TFEC: variants seen among roughly 807,000 people sequenced by gnomAD.
The protein encoded by TFEC is transcription factor EC.
A neutral mutation model predicts 41.6 loss-of-function variants in TFEC; 31 were observed. That is an observed-to-expected ratio of 0.74 (90% confidence interval 0.56 to 1.01). TFEC has a LOEUF of 1.01. Ranked by LOEUF, TFEC falls within the 50% of genes least tolerant of loss-of-function variation. TFEC has a pLI of 0.00. For missense variants in TFEC, 402 were observed against 404.1 expected (o/e 0.99, Z 0.04); for synonymous variants, 143 against 140.6 (o/e 1.02, Z -0.12).
intron 1 of TFEC, among the ~76,000 whole-genome samples, chr7:116,128,201 T>C (rs1383938032): frequency 6.6e-6 from 1 of 152,068 alleles, no homozygotes; most frequent in Non-Finnish European, 1.5e-5. Flanking sequence ...CAAAACATAA[T>C]ATATGAAACA....
intron 1 of TFEC, among the ~76,000 whole-genome samples, chr7:116,143,128 C>T (rs989515142): frequency 3.3e-5 from 5 of 152,132 alleles, no homozygotes; most frequent in Non-Finnish European, 7.4e-5. Context: ...TTTTACAACT[C>T]TCGCTAGCTG....
intron 1 of TFEC, among the ~76,000 whole-genome samples, chr7:116,146,183 A>G (rs937645679): frequency 6.6e-6 from 1 of 152,176 alleles, no homozygotes; most frequent in Non-Finnish European, 1.5e-5. Context: ...GAGCAACTGC[A>G]GATCTACAAA....
chr7:115,993,335 T>C (rs1004813189), intron 1 of TFEC, among the ~76,000 whole-genome samples: 1 of 152,180 alleles, frequency 6.6e-6, no homozygotes, highest in African/African-American at 2.4e-5. Context: ...CTATTCAACA[T>C]AGTGTTGGAA....
chr7:116,130,542 A>T (rs990663878), intron 1 of TFEC, among the ~76,000 whole-genome samples: 5 of 152,196 alleles, frequency 3.3e-5, no homozygotes, highest in Non-Finnish European at 4.4e-5. Context: ...CCAGATAATC[A>T]TTCCAGTTAG....
intron 2 of TFEC, among the ~76,000 whole-genome samples, chr7:115,980,198 C>T (rs1308404943): frequency 6.6e-6 from 1 of 152,118 alleles, no homozygotes; most frequent in Non-Finnish European, 1.5e-5. Flanking sequence ...AAGCATAAGT[C>T]TCTTGTGAAT....
At chr7:116,116,957 T>C (rs1457272257) in intron 1 of TFEC, among the ~76,000 whole-genome samples, 4 of 151,924 alleles carry the variant, frequency 2.6e-5, no homozygotes, top group Non-Finnish European at 5.9e-5. Flanking sequence ...TTCATAATAG[T>C]TGTTTTTTCT....
intron 3 of TFEC, among the ~76,000 whole-genome samples, chr7:116,092,149 C>T (rs1005986494): frequency 2.6e-5 from 4 of 152,122 alleles, no homozygotes; most frequent in Non-Finnish European, 1.5e-5. Flanking sequence ...ATTAATTGTC[C>T]TTTCAGAGAT....
intron 1 of TFEC, among the ~76,000 whole-genome samples, chr7:116,121,941 T>C (rs997459683): frequency 4.6e-5 from 7 of 152,024 alleles, no homozygotes; most frequent in African/African-American, 1.7e-4. Context: ...TAACCTTCCT[T>C]TCTTCTACTA....
At chr7:116,086,461 G>A (rs533752881) in intron 3 of TFEC, among the ~76,000 whole-genome samples, 1 of 152,002 alleles carries the variant, frequency 6.6e-6, no homozygotes, top group East Asian at 1.9e-4. Context: ...ATACATGTGT[G>A]GCATAAAGAT....
chr7:115,987,811 A>G lies in TFEC; in HGVS notation c.-72-3298T>C, dbSNP rs10277327. On this transcript the variant is annotated intron_variant, in intron 1 of 7. Coordinates refer to ENST00000265440, the MANE Select transcript of TFEC (RefSeq NM_012252.4). ...TATATATAAACATATAAACACATAT[A>G]AAAATGAAAGAATGAGTCATTAGAG... Among the ~76,000 whole-genome samples the G allele has an allele frequency of 3.6e-3, 548 of 152,254 alleles. 4 individuals carry two copies. The highest frequency in any genetic ancestry group is 0.011 in the African/African-American group (466 of 41,554).
rs373163338 is a variant in TFEC, at chr7:115,984,488, G to C, written c.-47C>G. 94 of 1,613,994 alleles carry C rather than the reference G, an allele frequency of 5.8e-5. No individual in the cohort carries two copies. The African/African-American group carries it at 1.0e-3, about 17-fold the overall frequency. On this transcript the variant is annotated 5_prime_UTR_variant, in exon 2 of 8. Coordinates refer to ENST00000265440, the MANE Select transcript of TFEC (RefSeq NM_012252.4). ...CTGGGCTTTCTGTAGCTGAGGCCTT[G>C]CAGAACTTTCCAGGTGTGCTGGGAC... is the stretch of plus-strand genomic sequence containing the variant.
chr7:116,047,528 G>A (rs765885092), intron 3 of TFEC, among the ~76,000 whole-genome samples: 26 of 152,258 alleles, frequency 1.7e-4, no homozygotes, highest in Admixed American at 1.1e-3. Flanking sequence ...GGAGCCCACC[G>A]CAGCTCAAGG....
intron 3 of TFEC, among the ~76,000 whole-genome samples, chr7:116,040,546 A>G (rs1056239699): frequency 3.9e-5 from 6 of 152,208 alleles, no homozygotes; most frequent in Non-Finnish European, 7.3e-5. Context: ...TTGCTTTACA[A>G]TAGCATTTTT....
At chr7:116,095,066 C>T (rs898617271) in intron 3 of TFEC, among the ~76,000 whole-genome samples, 3 of 152,024 alleles carry the variant, frequency 2.0e-5, no homozygotes, top group Admixed American at 6.6e-5. Flanking sequence ...AATTAACAAG[C>T]GTAATACCCA....
At chr7:115,963,662 A>G (rs921111285) in intron 3 of TFEC, among the ~76,000 whole-genome samples, 1 of 151,748 alleles carries the variant, frequency 6.6e-6, no homozygotes, top group African/African-American at 2.4e-5. Context: ...GCCAACCACA[A>G]TAGGATATAT....
intron 3 of TFEC, among the ~76,000 whole-genome samples, chr7:116,105,666 G>A (rs1374479090): frequency 2.0e-5 from 3 of 152,060 alleles, no homozygotes; most frequent in Non-Finnish European, 4.4e-5. Context: ...CAGCAGGAAG[G>A]CCAGTGGCAG....
intron 3 of TFEC, among the ~76,000 whole-genome samples, chr7:116,052,144 G>A (rs1260634815): frequency 6.6e-6 from 1 of 151,574 alleles, no homozygotes; most frequent in Non-Finnish European, 1.5e-5. Flanking sequence ...GACACCAAGA[G>A]CTCATTCAGC....
chr7:115,964,330 A>G (rs1448832518), intron 3 of TFEC, among the ~76,000 whole-genome samples: 1 of 151,636 alleles, frequency 6.6e-6, no homozygotes, highest in Non-Finnish European at 1.5e-5. Flanking sequence ...CAAGAAATAT[A>G]TCATGCCATT....
At position 116,088,093 on chromosome 7, in the gene TFEC, CCTA is replaced by C. The variant is rs146237566; in HGVS notation, c.198+22612_198+22614del. On this transcript the variant is annotated intron_variant, in intron 3 of 8. Transcript: ENST00000484212. ...GATTCTCATGATCTCTCCTGTTACA[CCTA>C]CTATTTCCTGTGCCTAGAGTACTTT... 1.7e-3 allele frequency among the ~76,000 whole-genome samples: 260 copies of C among 152,168 alleles called. 1 individual carries two copies. The highest frequency in any genetic ancestry group is 6.0e-3 in the African/African-American group (249 of 41,544).
Sources: allele counts gnomAD v4.1 joint callset (sites outside exome capture counted in the v4.1 genomes callset), GRCh38; gene constraint gnomAD v4.1.1; transcripts MANE v1.5; gene names NCBI Gene and HGNC (gene_info 2026-07-23, HGNC 2026-07-21).